AIF1L: variants seen among roughly 807,000 people sequenced by gnomAD.
The protein encoded by AIF1L is allograft inflammatory factor 1 like.
In AIF1L, 12 loss-of-function variants were observed where a neutral mutation model predicts 20.7. The ratio of observed to expected loss-of-function variants is 0.58; its 90% CI spans 0.37 to 0.94. The LOEUF is 0.94. Ranked by LOEUF, AIF1L falls within the 40% of genes least tolerant of loss-of-function variation. AIF1L has a pLI of 0.01. For missense variants in AIF1L, 173 were observed against 185.3 expected (o/e 0.93, Z 0.39); for synonymous variants, 76 against 65.1 (o/e 1.17, Z -0.81).
intron 2 of AIF1L, chr9:131,102,869 C>G: frequency 2.2e-6 from 1 of 456,310 alleles, no homozygotes; most frequent in South Asian, 1.5e-5. Context: ...GCCTGAGCCA[C>G]CAGCCCCTTG....
At chr9:131,096,760 A>T (rs117413897) in intron 1 of AIF1L, 42 bp from the exon 2 acceptor site, 3 of 1,507,572 alleles carry the variant, frequency 2.0e-6, no homozygotes, top group African/African-American at 1.5e-5. Flanking sequence ...GCGTGGCCCG[A>T]AGAGGACCCC....
chr9:131,108,826 G>A (rs1830809708), intron 2 of AIF1L, among the ~76,000 whole-genome samples: 1 of 152,204 alleles, frequency 6.6e-6, no homozygotes, highest in Non-Finnish European at 1.5e-5. Context: ...CAGTGCCCAA[G>A]GAGTGGGTAC....
chr9:131,106,446 T>C (rs1830750930), intron 2 of AIF1L, among the ~76,000 whole-genome samples: 1 of 152,102 alleles, frequency 6.6e-6, no homozygotes. Context: ...ATAAGGGCGA[T>C]TGGAAGTCGG....
At chr9:131,104,286 T>G (rs916410523) in intron 2 of AIF1L, among the ~76,000 whole-genome samples, 1 of 152,152 alleles carries the variant, frequency 6.6e-6, no homozygotes, top group Non-Finnish European at 1.5e-5. Context: ...CCGGGAAAAC[T>G]TGTCTTTGGG....
chr9:131,106,913 T>C (rs1414566520), intron 2 of AIF1L, among the ~76,000 whole-genome samples: 1 of 152,104 alleles, frequency 6.6e-6, no homozygotes, highest in East Asian at 1.9e-4. Context: ...CTGCTCCATA[T>C]GGTGAAACCG....
chr9:131,120,694 C>T lies in AIF1L; in HGVS notation c.*372C>T. 1 of 300,994 alleles carries T rather than the reference C, an allele frequency of 3.3e-6. No individual in the cohort carries two copies. Among genetic ancestry groups the T allele is most frequent in the Non-Finnish European group, 6.1e-6 (1 of 163,528 alleles). 18.6% of individuals were successfully genotyped at this position (300,994 alleles called of 1,614,324 possible). ...AAAGTCTCCAAGCCAAGTTCAGGCT[C>T]ACTGACCTGGCTCTGACGAGGACCC... On this transcript the variant is annotated 3_prime_UTR_variant, in exon 6 of 6. Coordinates refer to ENST00000247291, the MANE Select transcript of AIF1L (RefSeq NM_031426.4).
At chr9:131,117,691 CCCA>C in intron 4 of AIF1L, 62 bp from the exon 5 acceptor site, 1 of 1,502,780 alleles carries the variant, frequency 6.7e-7, no homozygotes, top group Non-Finnish European at 8.9e-7. Flanking sequence ...GTGGAGCTTT[CCCA>C]GCTTCCCTGC....
chr9:131,109,626 C>T lies in AIF1L; in HGVS notation c.94-1971C>T, dbSNP rs577164339. Among the ~76,000 whole-genome samples the T allele has an allele frequency of 6.0e-4, 92 of 152,230 alleles. No homozygotes were observed. In the South Asian group the frequency reaches 6.6e-3, roughly 11 times the overall value. ...AAGAAGAGGGGTTATTTGCAGAGTTCGAGTGGTAGGAGGGGAACAGGCCCT... is the reference window on the plus strand; with the variant it reads ...AAGAAGAGGGGTTATTTGCAGAGTTTGAGTGGTAGGAGGGGAACAGGCCCT... On this transcript the variant is annotated intron_variant, in intron 2 of 5. Transcript: ENST00000247291.
chr9:131,104,570 G>T (rs907116626), intron 2 of AIF1L, among the ~76,000 whole-genome samples: 3 of 152,146 alleles, frequency 2.0e-5, no homozygotes, highest in Admixed American at 2.0e-4. Context: ...TGTCCCATCT[G>T]TCAAATGGGG....
At chr9:131,116,841 CA>C (rs1249144197) in intron 4 of AIF1L, among the ~76,000 whole-genome samples, 1 of 152,246 alleles carries the variant, frequency 6.6e-6, no homozygotes. Flanking sequence ...AGTGCGTGTG[CA>C]GCCCTTTCCC....
chr9:131,114,514 C>G, intron 3 of AIF1L, 63 bp from the exon 4 acceptor site: 1 of 1,585,932 alleles, frequency 6.3e-7, no homozygotes, highest in Admixed American at 1.7e-5. Flanking sequence ...AAGGGAGCCA[C>G]TGGGTCCCCA....
intron 5 of AIF1L, among the ~76,000 whole-genome samples, chr9:131,118,596 G>A (rs1348396779): frequency 1.3e-5 from 2 of 150,972 alleles, no homozygotes. Context: ...ACCCAGGCTG[G>A]AGTGCAGTGA....
chr9:131,115,604 A>T lies in AIF1L; in HGVS notation c.202+986A>T, dbSNP rs978383203. On this transcript the variant is annotated intron_variant, in intron 4 of 5. Transcript: ENST00000247291. The stretch of plus-strand genomic sequence containing the variant: ...GTCTCAGATTGATGCTGCTACCGGC[A>T]TTTCTACTCCTCTTCCTCTGTCCTC... 2.0e-5 allele frequency among the ~76,000 whole-genome samples: 3 copies of T among 151,498 alleles called. 1 individual carries two copies. Among genetic ancestry groups the T allele is most frequent in the Non-Finnish European group, 4.4e-5 (3 of 67,922 alleles).
intron 2 of AIF1L, chr9:131,106,156 G>T: frequency 1.3e-6 from 2 of 1,527,106 alleles, no homozygotes; most frequent in Middle Eastern, 2.1e-4. Flanking sequence ...TGCCTCCTCC[G>T]AGCTGCCTCC....
intron 4 of AIF1L, 127 bp from the exon 5 acceptor site, chr9:131,117,629 C>T: frequency 1.0e-6 from 1 of 970,372 alleles, no homozygotes; most frequent in Admixed American, 2.7e-5. Flanking sequence ...ATGGGCTCCT[C>T]CTCCCTAGAG....
chr9:131,098,877 C>G (rs1158405882), intron 2 of AIF1L, among the ~76,000 whole-genome samples: 1 of 152,188 alleles, frequency 6.6e-6, no homozygotes, highest in Non-Finnish European at 1.5e-5. Context: ...AGACGCTGTA[C>G]TGAGACCCAC....
At chr9:131,115,449 CAAAAAAAAAAAAAAAAA>C (rs746698091) in intron 4 of AIF1L, among the ~76,000 whole-genome samples, 1 of 60,402 alleles carries the variant, frequency 1.7e-5, no homozygotes, top group Non-Finnish European at 2.7e-5. Context: ...GATTCTGTCT[CAAAAAAAAAAAAAAAAA>C]AAAAAAAAGC....
chr9:131,096,781 C>T, intron 1 of AIF1L, 21 bp from the exon 2 acceptor site: 2 of 1,519,694 alleles, frequency 1.3e-6, no homozygotes, highest in Non-Finnish European at 1.8e-6. Context: ...GCTTCCCAGG[C>T]CGCCTCTTTG....
intron 2 of AIF1L, chr9:131,106,105 A>C: frequency 6.9e-7 from 1 of 1,450,186 alleles, no homozygotes; most frequent in Non-Finnish European, 9.3e-7. Flanking sequence ...AGTGTCTACG[A>C]TATGCTGGGC....
Sources: gnomAD v4.1 joint callset for allele counts (sites outside exome capture counted in the v4.1 genomes callset) on GRCh38, gnomAD v4.1.1 for gene constraint, MANE v1.5 for transcripts, NCBI Gene and HGNC (gene_info 2026-07-23, HGNC 2026-07-21) for gene names.